Variants in SLC35H1 observed in about 807,000 individuals in gnomAD.
The protein encoded by SLC35H1 is ovarian cancer-overexpressed gene 1 protein.
the SLC35H1 span, among the ~76,000 whole-genome samples, chr20:46,361,453 AACC>A: frequency 6.6e-6 from 1 of 152,192 alleles, no homozygotes; most frequent in African/African-American, 2.4e-5. Context: ...CTTCTCCTGC[AACC>A]ACCACCATCA....
At chr20:46,356,044 G>C in the SLC35H1 span, among the ~76,000 whole-genome samples, 1 of 152,108 alleles carries the variant, frequency 6.6e-6, no homozygotes, top group East Asian at 1.9e-4. Flanking sequence ...AGAGGCCTCT[G>C]GTTATCACCA....
chr20:46,357,788 A>T, the SLC35H1 span: 2 of 1,613,706 alleles, frequency 1.2e-6, no homozygotes, highest in Non-Finnish European at 1.7e-6. Context: ...ATGGAGCCCA[A>T]AGCAGACACC....
the SLC35H1 span, chr20:46,350,549 T>C: frequency 6.4e-7 from 1 of 1,565,090 alleles, no homozygotes; most frequent in Non-Finnish European, 8.6e-7. Context: ...AGACCACAGT[T>C]ACAGGCCCAG....
At chr20:46,350,879 A>G in the SLC35H1 span, 1 of 1,613,946 alleles carries the variant, frequency 6.2e-7, no homozygotes, top group Non-Finnish European at 8.5e-7. Flanking sequence ...CCAACAGCAA[A>G]GTGCAGACTT....
chr20:46,351,175 C>A, the SLC35H1 span, among the ~76,000 whole-genome samples: 1 of 152,232 alleles, frequency 6.6e-6, no homozygotes, highest in Non-Finnish European at 1.5e-5. Flanking sequence ...GTGTCCAGAT[C>A]GCGCCTTATC....
At chr20:46,361,575 T>C in the SLC35H1 span, among the ~76,000 whole-genome samples, 1 of 152,180 alleles carries the variant, frequency 6.6e-6, no homozygotes, top group Non-Finnish European at 1.5e-5. Flanking sequence ...GTTACTGCTG[T>C]TTGGGGACAG....
At chr20:46,355,234 G>A in the SLC35H1 span, 10 of 1,613,296 alleles carry the variant, frequency 6.2e-6, 1 homozygote, top group South Asian at 6.6e-5. The surrounding 1 kb of genome is among the most constrained non-coding windows in gnomAD (Gnocchi z 4.8). Context: ...CAGGACCAGT[G>A]CCGCGCGCTG....
chr20:46,355,731 C>T, the SLC35H1 span: 3 of 1,606,718 alleles, frequency 1.9e-6, no homozygotes, highest in African/African-American at 4.0e-5. This position sits in a 1 kb window ranked among gnomAD's most constrained non-coding sequence, Gnocchi z 4.8. Flanking sequence ...GGACAAGCCA[C>T]TGCTCAGACT....
chr20:46,355,354 C>T, the SLC35H1 span: 15 of 1,182,654 alleles, frequency 1.3e-5, no homozygotes, highest in Admixed American at 2.3e-5. The surrounding 1 kb of genome is among the most constrained non-coding windows in gnomAD (Gnocchi z 4.8). Flanking sequence ...GGCAAGAAAT[C>T]CTTCCACCCT....
At chr20:46,355,585 T>C in the SLC35H1 span, among the ~76,000 whole-genome samples, 151,417 of 152,274 alleles carry the variant, frequency 0.99, 75,287 homozygotes, top group Middle Eastern at 1. The surrounding 1 kb of genome is among the most constrained non-coding windows in gnomAD (Gnocchi z 4.8). Flanking sequence ...ACCCTCATCC[T>C]GCAGTGCTTT....
chr20:46,358,999 A>T, the SLC35H1 span: 1 of 540,544 alleles, frequency 1.8e-6, no homozygotes, highest in South Asian at 2.0e-5. Flanking sequence ...CACTGCTTAA[A>T]ACCCTTCAGC....
chr20:46,357,830 G>A, the SLC35H1 span: 24 of 1,594,846 alleles, frequency 1.5e-5, no homozygotes, highest in Admixed American at 3.4e-5. Context: ...GCCCCCCACC[G>A]GCTCCCTCTT....
the SLC35H1 span, chr20:46,358,453 C>T: frequency 6.2e-7 from 1 of 1,614,214 alleles, no homozygotes; most frequent in Non-Finnish European, 8.5e-7. Flanking sequence ...GCACCAGCCC[C>T]AGGGTCAACA....
chr20:46,350,795 G>A, the SLC35H1 span: 11 of 1,614,138 alleles, frequency 6.8e-6, no homozygotes, highest in East Asian at 2.2e-4. Context: ...CAACGTGGAG[G>A]GATATTCCCG....
the SLC35H1 span, chr20:46,358,658 A>C: frequency 6.4e-7 from 1 of 1,552,568 alleles, no homozygotes; most frequent in Non-Finnish European, 8.7e-7. Context: ...CATGATTCGG[A>C]ACCATCAGCA....
the SLC35H1 span, chr20:46,346,057 T>A: frequency 1.3e-5 from 2 of 152,008 alleles, no homozygotes; most frequent in Admixed American, 6.5e-5. Context: ...CATTGTAGAC[T>A]GTCCAGAAAC....
the SLC35H1 span, among the ~76,000 whole-genome samples, chr20:46,361,398 C>A: frequency 6.6e-6 from 1 of 152,200 alleles, no homozygotes; most frequent in African/African-American, 2.4e-5. Flanking sequence ...CAGCCACCAT[C>A]CTCTCCCCAA....
chr20:46,349,236 C>A, the SLC35H1 span: 6 of 152,272 alleles, frequency 3.9e-5, no homozygotes, highest in African/African-American at 1.4e-4. Context: ...TCCCATGGCC[C>A]GGGAACCAGT....
chr20:46,351,713 G>C, the SLC35H1 span, among the ~76,000 whole-genome samples: 1 of 152,262 alleles, frequency 6.6e-6, no homozygotes, highest in Admixed American at 6.5e-5. Flanking sequence ...CCACTGCCCA[G>C]TGCCAGAGTT....
Sources: gnomAD v4.1 joint callset for allele counts (sites outside exome capture counted in the v4.1 genomes callset) on GRCh38, gnomAD v4.1.1 for gene constraint, Gnocchi (gnomAD v3.1) non-coding constraint, MANE v1.5 for transcripts, NCBI Gene and HGNC (gene_info 2026-07-23, HGNC 2026-07-21) for gene names.